The following TAFA1 variants were observed in gnomAD, a reference collection of about 807,000 sequenced individuals.
TAFA1 encodes chemokine-like protein TAFA-1.
Under a neutral mutation model 18.5 loss-of-function variants are expected in TAFA1, and 4 were observed. The ratio of observed to expected loss-of-function variants is 0.22; its 90% CI spans 0.11 to 0.49. The LOEUF is 0.49. Ranked by LOEUF, TAFA1 falls within the 20% of genes least tolerant of loss-of-function variation. TAFA1 has a pLI of 0.98. For synonymous variants in TAFA1, 56 were observed against 55.2 expected, an observed-to-expected ratio of 1.01 and a Z score of -0.06; for missense variants, 147 against 169.0, an observed-to-expected ratio of 0.87 and a Z score of 0.72.
At chr3:68,325,080 GTC>G (rs151092669) in intron 2 of TAFA1, among the ~76,000 whole-genome samples, 2,477 of 152,282 alleles carry the variant, frequency 0.016, 69 homozygotes, top group African/African-American at 0.055. Flanking sequence ...TCAAGAGTGT[GTC>G]TGTCTCTCTC....
chr3:68,041,738 G>A (rs563710213), intron 2 of TAFA1, among the ~76,000 whole-genome samples: 1 of 152,318 alleles, frequency 6.6e-6, no homozygotes, highest in East Asian at 1.9e-4. Flanking sequence ...CTATAAACCA[G>A]AGTTTTCTCA....
intron 2 of TAFA1, among the ~76,000 whole-genome samples, chr3:68,034,093 C>T (rs935067685): frequency 6.6e-6 from 1 of 152,104 alleles, no homozygotes; most frequent in Non-Finnish European, 1.5e-5. Context: ...TACAAAATTG[C>T]CTACTTGCTA....
chr3:68,385,690 A>T (rs1216496454), intron 2 of TAFA1, among the ~76,000 whole-genome samples: 1 of 152,048 alleles, frequency 6.6e-6, no homozygotes, highest in Non-Finnish European at 1.5e-5. Flanking sequence ...AGCCATTACA[A>T]ACTATAGCCT....
the TAFA1 span, among the ~76,000 whole-genome samples, chr3:67,993,298 G>A: frequency 6.6e-6 from 1 of 152,192 alleles, no homozygotes; most frequent in African/African-American, 2.4e-5. Context: ...TACAGCAAAC[G>A]AAGGAGACTC....
At chr3:68,498,225 A>G (rs527582821) in intron 3 of TAFA1, among the ~76,000 whole-genome samples, 1 of 152,316 alleles carries the variant, frequency 6.6e-6, no homozygotes, top group East Asian at 1.9e-4. Context: ...ATGAGGATGA[A>G]AAGTGTGAAA....
intron 2 of TAFA1, among the ~76,000 whole-genome samples, chr3:68,155,303 CA>C (rs957202195): frequency 3.3e-5 from 5 of 152,182 alleles, no homozygotes; most frequent in Non-Finnish European, 7.3e-5. Flanking sequence ...TGCCAACCCC[CA>C]GAACTGTGCA....
At chr3:68,034,218 A>C (rs1277041846) in intron 2 of TAFA1, among the ~76,000 whole-genome samples, 1 of 152,216 alleles carries the variant, frequency 6.6e-6, no homozygotes, top group Non-Finnish European at 1.5e-5. Context: ...AAGGAGACTG[A>C]GAGTCCCTGG....
At chr3:68,444,088 T>C (rs1373150832) in intron 3 of TAFA1, among the ~76,000 whole-genome samples, 1 of 152,160 alleles carries the variant, frequency 6.6e-6, no homozygotes, top group Non-Finnish European at 1.5e-5. Flanking sequence ...ACAGGTTTTC[T>C]TTTTCATCAT....
chr3:68,423,381 G>A (rs1195176453), intron 3 of TAFA1, among the ~76,000 whole-genome samples: 1 of 152,098 alleles, frequency 6.6e-6, no homozygotes, highest in Admixed American at 6.6e-5. Context: ...GCCAGTCATG[G>A]CATAGCCAGA....
chr3:68,064,381 G>T (rs1369518254), intron 2 of TAFA1, among the ~76,000 whole-genome samples: 1 of 152,190 alleles, frequency 6.6e-6, no homozygotes, highest in Non-Finnish European at 1.5e-5. Context: ...GAAATGCACT[G>T]GCTGTGACCA....
chr3:68,199,619 T>C (rs956445064), intron 2 of TAFA1, among the ~76,000 whole-genome samples: 2 of 151,500 alleles, frequency 1.3e-5, no homozygotes, highest in African/African-American at 4.8e-5. Context: ...CTAATGTAAA[T>C]GGTATTGTGT....
intron 4 of TAFA1, among the ~76,000 whole-genome samples, chr3:68,540,126 A>G (rs944182888): frequency 5.3e-5 from 8 of 152,180 alleles, no homozygotes; most frequent in African/African-American, 1.9e-4. Context: ...AGAAGACAAA[A>G]CTAATGCTAC....
chr3:68,078,626 T>C (rs2064857211), intron 2 of TAFA1, among the ~76,000 whole-genome samples: 1 of 152,080 alleles, frequency 6.6e-6, no homozygotes, highest in Non-Finnish European at 1.5e-5. Context: ...TTGATTTGTG[T>C]ATATTGAACC....
chr3:68,398,258 A>G lies in TAFA1; in HGVS notation c.119-19022A>G, dbSNP rs367909233. Among the ~76,000 whole-genome samples, 232 of 152,336 alleles carry G rather than the reference A, an allele frequency of 1.5e-3. 8 individuals are homozygous for G. The South Asian group carries it at 0.047, about 31-fold the overall frequency. On this transcript the variant is annotated intron_variant, in intron 2 of 4. Coordinates refer to ENST00000478136, the MANE Select transcript of TAFA1 (RefSeq NM_213609.4). ...ATGGAAATGAACAAAGGCATCAGAA[A>G]TAATACCATACATCTACAACTATCT... is the stretch of plus-strand genomic sequence containing the variant.
chr3:68,393,821 T>G (rs185891917), intron 2 of TAFA1, among the ~76,000 whole-genome samples: 6 of 152,272 alleles, frequency 3.9e-5, no homozygotes, highest in Admixed American at 2.0e-4. Flanking sequence ...CACCCCTTCA[T>G]GCTAAAAACA....
chr3:68,006,286 G>A, intron 1 of TAFA1: 1 of 205,188 alleles, frequency 4.9e-6, no homozygotes, highest in Non-Finnish European at 1.0e-5. Flanking sequence ...CAGTGCCTGG[G>A]ATAACTATAG....
chr3:68,098,470 G>T (rs1256169379), intron 2 of TAFA1, among the ~76,000 whole-genome samples: 7 of 152,084 alleles, frequency 4.6e-5, no homozygotes. Flanking sequence ...GTTTTTACTA[G>T]GCCTGTGTCT....
At chr3:68,014,330 C>T (rs948335649) in intron 2 of TAFA1, among the ~76,000 whole-genome samples, 5 of 152,132 alleles carry the variant, frequency 3.3e-5, no homozygotes. Flanking sequence ...GGTATGTATT[C>T]AATAATTATT....
chr3:68,426,874 T>C (rs2071065914), intron 3 of TAFA1, among the ~76,000 whole-genome samples: 1 of 151,900 alleles, frequency 6.6e-6, no homozygotes, highest in Non-Finnish European at 1.5e-5. Context: ...GTGGGTATCA[T>C]CTAAGAAATA....
Sources: allele counts gnomAD v4.1 joint callset (sites outside exome capture counted in the v4.1 genomes callset), GRCh38; gene constraint gnomAD v4.1.1; transcripts MANE v1.5; gene names NCBI Gene and HGNC (gene_info 2026-07-23, HGNC 2026-07-21).